MEGF11: variants seen among roughly 807,000 people sequenced by gnomAD.
MEGF11 encodes multiple EGF like domains 11.
MEGF11 carries 126 observed loss-of-function variants against 146.6 expected under a neutral mutation model. That is an observed-to-expected ratio of 0.86 (90% confidence interval 0.74 to 1.00). MEGF11 has a LOEUF of 1.00. MEGF11 is among the 50% of genes least tolerant of loss of function. MEGF11 has a pLI of 0.00. For synonymous variants in MEGF11, 532 were observed against 583.4 expected (o/e 0.91, Z 1.27); for missense variants, 1,509 against 1,521.2 (o/e 0.99, Z 0.13).
intron 5 of MEGF11, among the ~76,000 whole-genome samples, chr15:66,060,620 A>AC (rs1243095377): frequency 2.6e-5 from 4 of 151,070 alleles, no homozygotes; most frequent in East Asian, 1.9e-4. Context: ...GTCCTCTGGG[A>AC]CCCCCCAAGG....
Position 66,061,590 on chromosome 15 carries a change from T to TG in MEGF11, c.394+32811_394+32812insC, listed in dbSNP as rs1432093785. Among the ~76,000 whole-genome samples, 42 of 151,556 alleles carry TG rather than the reference T, an allele frequency of 2.8e-4. 1 individual carries two copies. The highest frequency in any genetic ancestry group is 5.3e-4 in the Non-Finnish European group (36 of 67,982). The stretch of plus-strand genomic sequence containing the variant: ...ATTGTCATCAACGTCTGGCTGGTGA[T>TG]TAGGGGCACAGTGCCTAGGGTAGGG... On this transcript the variant is annotated intron_variant, in intron 5 of 25. Coordinates refer to ENST00000395614, the MANE Select transcript of MEGF11 (RefSeq NM_001385028.1).
At chr15:66,079,752 C>T (rs925491339) in intron 5 of MEGF11, among the ~76,000 whole-genome samples, 31 of 152,170 alleles carry the variant, frequency 2.0e-4, no homozygotes, top group Non-Finnish European at 4.0e-4. Context: ...CTCTCAGGTG[C>T]GTTTACCTGG....
intron 1 of MEGF11, among the ~76,000 whole-genome samples, chr15:66,183,854 C>T (rs943239189): frequency 1.5e-4 from 23 of 152,164 alleles, no homozygotes; most frequent in African/African-American, 5.6e-4. Flanking sequence ...CCTTGCGCTG[C>T]AAGGTCTCAG....
chr15:66,050,630 C>CCTGA (rs1463947691), intron 5 of MEGF11, among the ~76,000 whole-genome samples: 1 of 152,210 alleles, frequency 6.6e-6, no homozygotes, highest in Non-Finnish European at 1.5e-5. Flanking sequence ...CCTGGCATGA[C>CCTGA]CTGACCAATG....
intron 23 of MEGF11, among the ~76,000 whole-genome samples, chr15:65,907,903 C>T (rs924463320): frequency 6.6e-6 from 1 of 152,244 alleles, no homozygotes; most frequent in African/African-American, 2.4e-5. Flanking sequence ...AAGACAAATG[C>T]CAGCGCATGG....
intron 5 of MEGF11, among the ~76,000 whole-genome samples, chr15:66,000,303 A>G (rs1365190477): frequency 1.3e-5 from 2 of 152,198 alleles, no homozygotes; most frequent in African/African-American, 2.4e-5. Flanking sequence ...CTGAGACAGG[A>G]GGATGGCTTG....
At chr15:66,130,740 G>GGAAGGAAGGAAGGAAGGAAA in intron 1 of MEGF11, among the ~76,000 whole-genome samples, 1 of 152,018 alleles carries the variant, frequency 6.6e-6, no homozygotes, top group South Asian at 2.1e-4. Flanking sequence ...GAGGAAGGAA[G>GGAAGGAAGGAAGGAAGGAAA]GAAGGAAGGA....
intron 5 of MEGF11, among the ~76,000 whole-genome samples, chr15:66,083,609 G>GA (rs1349198111): frequency 6.6e-6 from 1 of 150,744 alleles, no homozygotes; most frequent in Non-Finnish European, 1.5e-5. Context: ...GGCAATGAAA[G>GA]AAAAAATAGT....
Position 65,916,828 on chromosome 15 carries a change from G to A in MEGF11, c.2215C>T (p.Arg739Cys), listed in dbSNP as rs536115819. The stretch of plus-strand genomic sequence containing the variant: ...TGGGAGGCCAGGAGGTGGGGCTTAC[G>A]CTGTGTGCAGAAGAGTCCAGTCCAG... ...PGWTGLFCTQ[R>C]CPAAFFGKDC... The change falls in exon 17 of 26, where the codon CGC becomes TGC. Residue 739 changes from arginine (R) to cysteine (C), a missense_variant and splice_region_variant. By Grantham distance (180) the Arg-to-Cys change is radical (BLOSUM62 -3). Transcript: ENST00000395614. The A allele has an allele frequency of 1.4e-5, 22 of 1,610,686 alleles. No individual in the cohort carries two copies. The highest frequency in any genetic ancestry group is 2.2e-5 in the South Asian group (2 of 90,502).
chr15:65,992,112 A>G (rs1019817794), intron 5 of MEGF11, among the ~76,000 whole-genome samples: 5 of 152,200 alleles, frequency 3.3e-5, no homozygotes, highest in Middle Eastern at 3.2e-3. Flanking sequence ...AACAAAGGCC[A>G]TGGGTACATT....
At chr15:66,012,811 C>A (rs1011407281) in intron 5 of MEGF11, among the ~76,000 whole-genome samples, 1 of 152,184 alleles carries the variant, frequency 6.6e-6, no homozygotes, top group Middle Eastern at 3.2e-3. Context: ...AGCGCTTCCC[C>A]TAGGAGCCCT....
chr15:66,006,299 T>A (rs2082519022), intron 5 of MEGF11, among the ~76,000 whole-genome samples: 1 of 152,174 alleles, frequency 6.6e-6, no homozygotes, highest in Non-Finnish European at 1.5e-5. Context: ...CCAGCTCTAA[T>A]GTTTTATGCA....
At chr15:66,090,747 T>C (rs542899884) in intron 5 of MEGF11, among the ~76,000 whole-genome samples, 51 of 152,352 alleles carry the variant, frequency 3.3e-4, no homozygotes, top group South Asian at 1.0e-3. Flanking sequence ...TGGTAATCCA[T>C]AGAATGAAAT....
At chr15:66,089,393 G>A (rs1312429933) in intron 5 of MEGF11, among the ~76,000 whole-genome samples, 1 of 152,190 alleles carries the variant, frequency 6.6e-6, no homozygotes, top group African/African-American at 2.4e-5. Context: ...CACCAGTTTG[G>A]TGGAATACAT....
intron 5 of MEGF11, among the ~76,000 whole-genome samples, chr15:66,037,053 C>T (rs912602629): frequency 2.6e-5 from 4 of 152,238 alleles, no homozygotes; most frequent in African/African-American, 9.6e-5. Context: ...GAACAACATG[C>T]TGATAATGAC....
rs527545770 is a variant in MEGF11, at chr15:65,913,834, C to G, written c.2613G>C (p.Trp871Cys). 2 of 1,613,966 alleles carry G rather than the reference C, an allele frequency of 1.2e-6. No individual in the cohort carries two copies. The highest frequency in any genetic ancestry group is 4.5e-5 in the East Asian group (2 of 44,890). ...CCTTCTCTTTCTGCCGCCGCCGATG[C>G]CAGGCAAATAGGCCCAGCAGCACCA... ...LIVVLLGLFAWHRRRQKEKGR... is the reference protein window; with the variant it reads ...LIVVLLGLFACHRRRQKEKGR... The change falls in exon 20 of 26, where the codon TGG becomes TGC. Residue 871 changes from tryptophan to cysteine, a missense_variant. Physicochemically the swap from Trp to Cys is radical, Grantham distance 215. Coordinates refer to ENST00000395614, the MANE Select transcript of MEGF11 (RefSeq NM_001385028.1).
chr15:66,171,602 G>A (rs2090258432), intron 1 of MEGF11, among the ~76,000 whole-genome samples: 1 of 152,030 alleles, frequency 6.6e-6, no homozygotes, highest in South Asian at 2.1e-4. Flanking sequence ...TCTCTAGCTT[G>A]TCTCTTTTTC....
intron 10 of MEGF11, among the ~76,000 whole-genome samples, chr15:65,934,980 C>T (rs1456980269): frequency 2.0e-5 from 3 of 152,100 alleles, no homozygotes; most frequent in Non-Finnish European, 4.4e-5. Context: ...GTTAATTGAA[C>T]CCAGGGAGGG....
chr15:66,140,068 G>T (rs1022514122), intron 1 of MEGF11, among the ~76,000 whole-genome samples: 2 of 152,122 alleles, frequency 1.3e-5, no homozygotes, highest in African/African-American at 4.8e-5. Flanking sequence ...AGCCAGTGCG[G>T]TTTTTTCTTC....
Sources: allele counts gnomAD v4.1 joint callset (sites outside exome capture counted in the v4.1 genomes callset), GRCh38; gene constraint gnomAD v4.1.1; transcripts MANE v1.5; gene names NCBI Gene and HGNC (gene_info 2026-07-23, HGNC 2026-07-21).